MCC: variants seen among roughly 807,000 people sequenced by gnomAD.
The protein encoded by MCC is colorectal mutant cancer protein.
MCC carries 90 observed loss-of-function variants against 116.2 expected under a neutral mutation model. The ratio of observed to expected loss-of-function variants is 0.77; its 90% CI spans 0.65 to 0.92. The LOEUF (loss-of-function observed/expected upper bound fraction) is 0.92, where lower values mean the gene tolerates loss of function less well. Ranked by LOEUF, MCC falls within the 40% of genes least tolerant of loss-of-function variation. The pLI is 0.00. For synonymous variants in MCC, 578 were observed against 510.5 expected (o/e 1.13, Z -1.78); for missense variants, 1,516 against 1,312.2 (o/e 1.16, Z -2.40).
chr5:113,137,634 A>G (rs1244272991), intron 5 of MCC, among the ~76,000 whole-genome samples: 1 of 152,014 alleles, frequency 6.6e-6, no homozygotes, highest in African/African-American at 2.4e-5. Flanking sequence ...TTCATTAGTG[A>G]TATTAGCCTG....
rs77255170 is a variant in MCC at position 113,253,978 on chromosome 5, G to A, written c.627+86541C>T. 8.6e-3 allele frequency among the ~76,000 whole-genome samples: 1,311 copies of A among 152,252 alleles called. 8 individuals are homozygous for A. Among genetic ancestry groups the A allele is most frequent in the African/African-American group, 0.015 (621 of 41,544 alleles). ...GTAGGACAATTTAAGAGTAAATCCA[G>A]GAAGCCTAACATCAATCTACTGAAC... On this transcript the variant is annotated intron_variant, in intron 3 of 18. Transcript: ENST00000408903.
chr5:113,444,675 T>A (rs778662737), intron 1 of MCC, among the ~76,000 whole-genome samples: 10 of 152,260 alleles, frequency 6.6e-5, no homozygotes, highest in Non-Finnish European at 1.5e-4. Flanking sequence ...TTATTGTTGC[T>A]ACTGGTTCCT....
chr5:113,446,827 A>C (rs1272054329), intron 1 of MCC, among the ~76,000 whole-genome samples: 1 of 152,218 alleles, frequency 6.6e-6, no homozygotes, highest in Non-Finnish European at 1.5e-5. Context: ...CAAGGGTTGA[A>C]AAACTAACTG....
At chr5:113,278,595 G>A (rs764730249) in intron 3 of MCC, among the ~76,000 whole-genome samples, 7 of 152,176 alleles carry the variant, frequency 4.6e-5, no homozygotes, top group Admixed American at 1.3e-4. Context: ...CAAAGTTTAA[G>A]GATGTGGATA....
intron 5 of MCC, among the ~76,000 whole-genome samples, chr5:113,126,478 G>A (rs1363681677): frequency 6.6e-6 from 1 of 152,072 alleles, no homozygotes; most frequent in Non-Finnish European, 1.5e-5. Context: ...TGAGCTGCAT[G>A]AATCCATTTA....
intron 3 of MCC, among the ~76,000 whole-genome samples, chr5:113,245,992 T>C (rs753571694): frequency 6.6e-6 from 1 of 152,204 alleles, no homozygotes; most frequent in African/African-American, 2.4e-5. Flanking sequence ...GATCTTGTTA[T>C]AAAGGCTTTT....
At chr5:113,081,269 CTG>C (rs1754839611) in intron 11 of MCC, among the ~76,000 whole-genome samples, 2 of 152,206 alleles carry the variant, frequency 1.3e-5, no homozygotes, top group African/African-American at 4.8e-5. Context: ...GGTTGGAATT[CTG>C]TCTCAGCTAC....
chr5:113,463,107 G>A (rs151255545), intron 1 of MCC, among the ~76,000 whole-genome samples: 86 of 152,334 alleles, frequency 5.6e-4, no homozygotes, highest in African/African-American at 2.0e-3. Context: ...ACAGGAGCTA[G>A]ATAGGGAGTG....
intron 1 of MCC, among the ~76,000 whole-genome samples, chr5:113,439,254 T>A (rs1770956568): frequency 6.6e-6 from 1 of 151,736 alleles, no homozygotes; most frequent in African/African-American, 2.4e-5. Flanking sequence ...AGGCTCAGAG[T>A]GAAGTGCCAG....
At chr5:113,465,257 C>A (rs759518871) in intron 1 of MCC, among the ~76,000 whole-genome samples, 41 of 150,578 alleles carry the variant, frequency 2.7e-4, no homozygotes, top group Non-Finnish European at 5.5e-4. Context: ...AAGTTGTACA[C>A]ACATTAAATT....
chr5:113,486,565 G>C (rs1241985671), intron 1 of MCC, among the ~76,000 whole-genome samples: 1 of 152,156 alleles, frequency 6.6e-6, no homozygotes, highest in African/African-American at 2.4e-5. Flanking sequence ...GCATCCATGC[G>C]GGGAGCGGTG....
intron 17 of MCC, among the ~76,000 whole-genome samples, chr5:113,041,576 GC>G (rs1490809235): frequency 6.6e-6 from 1 of 152,166 alleles, no homozygotes; most frequent in African/African-American, 2.4e-5. Flanking sequence ...AGACTAGAGG[GC>G]TGTTATTAGC....
chr5:113,252,775 C>A (rs995649467), intron 3 of MCC, among the ~76,000 whole-genome samples: 1 of 148,586 alleles, frequency 6.7e-6, no homozygotes, highest in Admixed American at 7.2e-5. Flanking sequence ...TGCTATGGCA[C>A]CCCCAGACTC....
At chr5:113,251,451 T>C (rs1764796716) in intron 3 of MCC, among the ~76,000 whole-genome samples, 1 of 152,118 alleles carries the variant, frequency 6.6e-6, no homozygotes, top group African/African-American at 2.4e-5. Flanking sequence ...TGCAGTGTGA[T>C]CTCTATAGCC....
At chr5:113,302,403 A>G (rs1437348025) in intron 3 of MCC, among the ~76,000 whole-genome samples, 1 of 152,232 alleles carries the variant, frequency 6.6e-6, no homozygotes, top group Non-Finnish European at 1.5e-5. Flanking sequence ...ATATCGACCA[A>G]TGGCAATATG....
chr5:113,317,748 A>G (rs1372909361), intron 3 of MCC, among the ~76,000 whole-genome samples: 1 of 152,254 alleles, frequency 6.6e-6, no homozygotes, highest in African/African-American at 2.4e-5. Context: ...TGCAATCCAC[A>G]TGTCTTCAAC....
At chr5:113,421,746 C>T (rs1463643132) in intron 1 of MCC, among the ~76,000 whole-genome samples, 7 of 152,176 alleles carry the variant, frequency 4.6e-5, no homozygotes, top group Admixed American at 2.6e-4. Flanking sequence ...TAATGTATAT[C>T]CTTGGATCTA....
chr5:113,282,224 A>T (rs538199591), intron 3 of MCC, among the ~76,000 whole-genome samples: 1 of 152,364 alleles, frequency 6.6e-6, no homozygotes, highest in South Asian at 2.1e-4. Flanking sequence ...CAAAAAACAG[A>T]GGCCTTTCCT....
intron 3 of MCC, among the ~76,000 whole-genome samples, chr5:113,168,183 T>C (rs1760876905): frequency 1.3e-5 from 2 of 152,174 alleles, no homozygotes; most frequent in South Asian, 4.1e-4. Flanking sequence ...ACCAAGGGCA[T>C]GCCACAACAA....
Sources: allele counts gnomAD v4.1 joint callset (sites outside exome capture counted in the v4.1 genomes callset), GRCh38; gene constraint gnomAD v4.1.1; transcripts MANE v1.5; gene names NCBI Gene and HGNC (gene_info 2026-07-23, HGNC 2026-07-21).